AASS: variants seen among roughly 807,000 people sequenced by gnomAD.
AASS encodes alpha-aminoadipic semialdehyde synthase, mitochondrial.
AASS carries 86 observed loss-of-function variants against 105.4 expected under a neutral mutation model. The ratio of observed to expected loss-of-function variants is 0.82; its 90% CI spans 0.69 to 0.98. The LOEUF (loss-of-function observed/expected upper bound fraction) is 0.98, where lower values mean the gene tolerates loss of function less well. AASS is among the 50% of genes least tolerant of loss of function. The pLI, the probability that AASS is intolerant of heterozygous loss-of-function variation, is 0.00. For missense variants in AASS, 1,048 were observed against 1,143.2 expected (o/e 0.92, Z 1.20); for synonymous variants, 381 against 394.8 (o/e 0.96, Z 0.41).
intron 1 of AASS, among the ~76,000 whole-genome samples, chr7:122,136,836 C>T (rs947218257): frequency 6.6e-6 from 1 of 152,164 alleles, no homozygotes; most frequent in Non-Finnish European, 1.5e-5. Context: ...TAACCTCACT[C>T]ATCCCTCACT....
chr7:122,074,450 A>ATATTGTCCT lies in AASS; in HGVS notation c.*2030_*2038dup, dbSNP rs1792909057. On this transcript the variant is annotated 3_prime_UTR_variant, in exon 24 of 24. Transcript: ENST00000417368. ...TGTGGGTTGTATTTTTGCTTTCTTG[A>ATATTGTCCT]TATTGTCCTTGGAAACACAAATGGT... Among the ~76,000 whole-genome samples, 1 of 152,196 alleles carries ATATTGTCCT rather than the reference A, an allele frequency of 6.6e-6. No individual in the cohort carries two copies. Among genetic ancestry groups the ATATTGTCCT allele is most frequent in the African/African-American group, 2.4e-5 (1 of 41,538 alleles).
intron 2 of AASS, 48 bp downstream of exon 2, chr7:122,133,469 A>T: frequency 6.3e-7 from 1 of 1,588,376 alleles, no homozygotes; most frequent in Non-Finnish European, 8.6e-7. Context: ...CTTAATTTTC[A>T]TATGCAGGTT....
rs186519593 is a variant in AASS, at chr7:122,098,728, A to G, written c.1528+17T>C. Reference sequence around the variant, plus strand: ...ATAAAATACATTTTTCTTCTTCAAAAATTAGGGCTTATTTACCTACTGTTA... The same window carrying G: ...ATAAAATACATTTTTCTTCTTCAAAGATTAGGGCTTATTTACCTACTGTTA... On this transcript the variant is annotated intron_variant, in intron 14 of 23. Coordinates refer to ENST00000417368, the MANE Select transcript of AASS (RefSeq NM_005763.4). 2,205 of 1,605,730 alleles carry G rather than the reference A, an allele frequency of 1.4e-3. 4 individuals carry two copies. Among genetic ancestry groups the G allele is most frequent in the Non-Finnish European group, 1.7e-3 (2,025 of 1,175,040 alleles).
chr7:122,081,935 A>G (rs558474492), intron 19 of AASS, among the ~76,000 whole-genome samples: 24 of 152,280 alleles, frequency 1.6e-4, no homozygotes, highest in Admixed American at 1.6e-3. Context: ...ATGTGAATGG[A>G]ATTTTCGGGC....
intron 4 of AASS, among the ~76,000 whole-genome samples, chr7:122,121,528 G>A (rs1795439973): frequency 6.6e-6 from 1 of 151,976 alleles, no homozygotes; most frequent in Admixed American, 6.6e-5. Flanking sequence ...CCAAGCAGCT[G>A]GGATGACAGG....
chr7:122,104,938 A>G (rs564006635), intron 11 of AASS, among the ~76,000 whole-genome samples: 1 of 152,050 alleles, frequency 6.6e-6, no homozygotes, highest in Non-Finnish European at 1.5e-5. Flanking sequence ...TAAAAGTTGC[A>G]AAGAGAAAAA....
At chr7:122,115,587 T>G (rs947448146) in intron 8 of AASS, among the ~76,000 whole-genome samples, 7 of 152,180 alleles carry the variant, frequency 4.6e-5, no homozygotes, top group Admixed American at 4.6e-4. Context: ...TCATGCTACC[T>G]CAACTTCCCT....
intron 20 of AASS, among the ~76,000 whole-genome samples, chr7:122,080,262 T>C (rs1264822328): frequency 6.6e-6 from 1 of 152,212 alleles, no homozygotes; most frequent in African/African-American, 2.4e-5. Flanking sequence ...ATGCTCTAGA[T>C]CAGGAGTCAA....
rs185265487 is a variant in AASS at position 122,073,735 on chromosome 7, G to A, written c.*2754C>T. 6.6e-5 allele frequency among the ~76,000 whole-genome samples: 10 copies of A among 152,048 alleles called. No homozygotes were observed. The highest frequency in any genetic ancestry group is 2.6e-4 in the Admixed American group (4 of 15,260). On this transcript the variant is annotated 3_prime_UTR_variant, in exon 24 of 24. Transcript: ENST00000417368. ...CATACTAATTAGCAGTCACCCCTTT[G>A]TCCTCCCCAACCCTTCAGCCTAAGC...
intron 1 of AASS, among the ~76,000 whole-genome samples, chr7:122,142,282 A>C (rs1376705850): frequency 6.6e-6 from 1 of 152,174 alleles, no homozygotes; most frequent in East Asian, 1.9e-4. Context: ...TGTCATAAAC[A>C]ATAAATTTTA....
chr7:122,097,014 G>A (rs1320458167), intron 15 of AASS, among the ~76,000 whole-genome samples: 1 of 151,904 alleles, frequency 6.6e-6, no homozygotes, highest in East Asian at 1.9e-4. Flanking sequence ...AGGTTCAGTT[G>A]GTCATTAGTC....
chr7:122,091,914 A>G (rs1409523425), intron 17 of AASS, 71 bp from the exon 18 acceptor site: 3 of 1,129,228 alleles, frequency 2.7e-6, no homozygotes, highest in East Asian at 5.0e-5. Flanking sequence ...TTAATTGAAG[A>G]CAATGATATG....
intron 13 of AASS, 62 bp downstream of exon 13, chr7:122,101,309 A>T (rs1794420418): frequency 7.6e-7 from 1 of 1,315,144 alleles, no homozygotes; most frequent in Non-Finnish European, 1.1e-6. Flanking sequence ...GCATTAAAAA[A>T]TACTCATGAA....
Position 122,074,405 on chromosome 7 carries a change from T to TA in AASS, c.*2083dup, listed in dbSNP as rs1174477728. ...TCCTCCCTTAACTAATACATGATTT[T>TA]AAAAAAAATTATCTCATTCTGTGGG... On this transcript the variant is annotated 3_prime_UTR_variant, in exon 24 of 24. Transcript: ENST00000417368. 3.3e-5 allele frequency among the ~76,000 whole-genome samples: 5 copies of TA among 152,082 alleles called. No individual in the cohort carries two copies. Among genetic ancestry groups the TA allele is most frequent in the Admixed American group, 6.6e-5 (1 of 15,256 alleles).
intron 11 of AASS, 101 bp from the exon 12 acceptor site, chr7:122,101,781 T>C (rs761676096): frequency 2.6e-5 from 24 of 924,296 alleles, no homozygotes; most frequent in Non-Finnish European, 4.0e-5. Context: ...AAAAAAATAA[T>C]TTAAGAAACA....
At chr7:122,094,140 T>C (rs1794033488) in intron 15 of AASS, among the ~76,000 whole-genome samples, 1 of 152,116 alleles carries the variant, frequency 6.6e-6, no homozygotes, top group Non-Finnish European at 1.5e-5. Context: ...ACCTACTGGG[T>C]ACTATGCTTG....
At position 122,079,729 on chromosome 7, in the gene AASS, A is replaced by G; in HGVS notation, c.2281-17T>C. The stretch of plus-strand genomic sequence containing the variant: ...GAGTTGTTTCTGGTTAGAAAAAGAA[A>G]TACAATATTTCTAAGTCCCTAACAA... On this transcript the variant is annotated splice_polypyrimidine_tract_variant and intron_variant, in intron 20 of 23. Transcript: ENST00000417368. 2 of 1,580,242 alleles carry G rather than the reference A, an allele frequency of 1.3e-6. No homozygotes were observed. Among genetic ancestry groups the G allele is most frequent in the Non-Finnish European group, 8.7e-7 (1 of 1,149,394 alleles).
At position 122,113,134 on chromosome 7, in the gene AASS, G is replaced by C; in HGVS notation, c.1262C>G (p.Pro421Arg). 6.2e-7 allele frequency: 1 copy of C among 1,613,674 alleles called. No homozygotes were observed. The highest frequency in any genetic ancestry group is 2.2e-5 in the East Asian group (1 of 44,832). Residue 421 changes from proline (P) to arginine (R), a missense_variant, in exon 11 of 24, where the codon CCT becomes CGT. By Grantham distance (103) the Pro-to-Arg change is moderately radical. Transcript: ENST00000417368. ...TCTGCTTACCATTTCTTCAACATAA[G>C]GGTAAAGCATGTCTCCAAAGCATTC... The part of the protein sequence containing the change: ...ATECFGDMLY[P>R]YVEEMILSDA...
rs561598703 is a variant in AASS at position 122,093,868 on chromosome 7, A to G, written c.1656-710T>C. Among the ~76,000 whole-genome samples the G allele has an allele frequency of 4.6e-5, 7 of 152,278 alleles. No homozygotes were observed. The South Asian group carries it at 1.0e-3, about 23-fold the overall frequency. ...AAACAAAAACCGTGAATTGGATTAA[A>G]AAATGTAGTACATATACACCATTGA... is the stretch of plus-strand genomic sequence containing the variant. On this transcript the variant is annotated intron_variant, in intron 15 of 23. Coordinates refer to ENST00000417368, the MANE Select transcript of AASS (RefSeq NM_005763.4).
Sources: gnomAD v4.1 joint callset for allele counts (sites outside exome capture counted in the v4.1 genomes callset) on GRCh38, gnomAD v4.1.1 for gene constraint, MANE v1.5 for transcripts, NCBI Gene and HGNC (gene_info 2026-07-23, HGNC 2026-07-21) for gene names.